Variants in MACF1 observed in about 807,000 individuals in gnomAD.
MACF1 encodes microtubule actin crosslinking factor 1.
A neutral mutation model predicts 854.8 loss-of-function variants in MACF1; 193 were observed. The observed-to-expected ratio is 0.23, with a 90% CI of 0.20 to 0.25. The LOEUF (loss-of-function observed/expected upper bound fraction) is 0.25, where lower values mean the gene tolerates loss of function less well. Ranked by LOEUF, MACF1 falls within the 10% of genes least tolerant of loss-of-function variation. The probability of loss-of-function intolerance (pLI) is 1.00; values close to 1 mark genes in which losing one functional copy is unlikely to be tolerated. For synonymous variants in MACF1, 3,185 were observed against 3,226.7 expected, an observed-to-expected ratio of 0.99 and a Z score of 0.44; for missense variants, 7,722 against 8,929.1, an observed-to-expected ratio of 0.86 and a Z score of 5.45.
At position 39,382,018 on chromosome 1, in the gene MACF1, A is replaced by G. The variant is rs756513852; in HGVS notation, c.13714A>G (p.Ser4572Gly). Reference sequence around the variant, plus strand: ...GCAAAGGCAGCTAGAGGAATCTGCAAGTCATCTGGCCTGCTTCCAGGCTGC... The same window carrying G: ...GCAAAGGCAGCTAGAGGAATCTGCAGGTCATCTGGCCTGCTTCCAGGCTGC... ...ARQRQLEESASHLACFQAAES... is the reference protein window; with the variant it reads ...ARQRQLEESAGHLACFQAAES... The change falls in exon 56 of 101, where the codon AGT (serine) becomes GGT (glycine). Residue 4572 changes from serine (S) to glycine (G), a missense_variant. This residue lies in a region of MACF1 where 2,807 missense variants were observed against 3,235.8 expected (regional missense o/e 0.87). Coordinates refer to ENST00000564288, the MANE Select transcript of MACF1 (RefSeq NM_001394062.1). 2.5e-6 allele frequency: 4 copies of G among 1,614,140 alleles called. No homozygotes were observed. Among genetic ancestry groups the G allele is most frequent in the African/African-American group, 1.3e-5 (1 of 75,034 alleles).
intron 6 of MACF1, chr1:39,269,414 T>C (rs1322967787): frequency 1.6e-6 from 2 of 1,289,746 alleles, no homozygotes; most frequent in Non-Finnish European, 2.0e-6. Context: ...CTTCCTGGAT[T>C]ATAGAATGTT....
At chr1:39,251,126 A>G (rs1432519478) in intron 3 of MACF1, among the ~76,000 whole-genome samples, 1 of 152,094 alleles carries the variant, frequency 6.6e-6, no homozygotes, top group Non-Finnish European at 1.5e-5. Context: ...AGCTCCTTCT[A>G]GGATTGGGGC....
rs571775929 is a variant in MACF1, at chr1:39,216,704, AT to A, written c.109+11575del. 2.6e-5 allele frequency among the ~76,000 whole-genome samples: 4 copies of A among 151,688 alleles called. 1 individual carries two copies. The South Asian group carries it at 8.3e-4, about 32-fold the overall frequency. ...TTTTTTTTTTTATCTTTCCTGTATCATTGAGATTTCTTCCCTGGAACCTAGA... is the reference window on the plus strand; with the variant it reads ...TTTTTTTTTTTATCTTTCCTGTATCATGAGATTTCTTCCCTGGAACCTAGA... On this transcript the variant is annotated intron_variant, in intron 1 of 100. Coordinates refer to ENST00000564288, the MANE Select transcript of MACF1 (RefSeq NM_001394062.1).
rs370537100 is a variant in MACF1, at chr1:39,422,720, C to A, written c.15979-10C>A. 8.1e-5 allele frequency: 130 copies of A among 1,612,732 alleles called. No individual in the cohort carries two copies. Among genetic ancestry groups the A allele is most frequent in the Non-Finnish European group, 1.0e-4 (118 of 1,178,954 alleles). On this transcript the variant is annotated splice_polypyrimidine_tract_variant and intron_variant, in intron 59 of 100. Transcript: ENST00000564288. ...CGTTCTCATAATGAACCTACATGTT[C>A]ATGATACAGGTCGCACAAAGAATTG...
intron 2 of MACF1, among the ~76,000 whole-genome samples, chr1:39,152,336 A>G (rs983840966): frequency 2.0e-5 from 3 of 152,174 alleles, no homozygotes; most frequent in Admixed American, 6.5e-5. Context: ...AGGTATGTGT[A>G]CTTGTAAATT....
intron 6 of MACF1, among the ~76,000 whole-genome samples, chr1:39,266,108 A>G (rs1645228493): frequency 1.3e-5 from 2 of 152,208 alleles, no homozygotes; most frequent in South Asian, 2.1e-4. Context: ...ATATGCAGAA[A>G]TTTTAAAAAA....
intron 2 of MACF1, among the ~76,000 whole-genome samples, chr1:39,182,002 T>C (rs1447565941): frequency 6.6e-6 from 1 of 151,766 alleles, no homozygotes; most frequent in East Asian, 1.9e-4. Context: ...AATACAAAAA[T>C]TAGCTGGATG....
intron 2 of MACF1, among the ~76,000 whole-genome samples, chr1:39,244,581 A>AT (rs35814123): frequency 0.1 from 14,331 of 139,006 alleles, 1,167 homozygotes; most frequent in African/African-American, 0.23. Context: ...GCACCCAGCC[A>AT]TTTTTTTTTT....
At chr1:39,390,286 T>C (rs1043656463) in intron 58 of MACF1, among the ~76,000 whole-genome samples, 11 of 152,216 alleles carry the variant, frequency 7.2e-5, no homozygotes, top group Non-Finnish European at 2.9e-5. Flanking sequence ...CTTGCCAGCG[T>C]TATTTATCTT....
rs147553188 is a variant in MACF1, at chr1:39,405,878, G to C, written c.15817-16496G>C. Among the ~76,000 whole-genome samples the C allele has an allele frequency of 7.4e-3, 1,121 of 150,498 alleles. 9 individuals are homozygous for C. The highest frequency in any genetic ancestry group is 0.026 in the African/African-American group (1,053 of 40,324). ...TTATACACAGCATGTGAAATGAACAGATGCTTTTTTTTTTTTGTAGCTATC... is the reference window on the plus strand; with the variant it reads ...TTATACACAGCATGTGAAATGAACACATGCTTTTTTTTTTTTGTAGCTATC... On this transcript the variant is annotated intron_variant, in intron 58 of 100. Transcript: ENST00000564288.
intron 43 of MACF1, 129 bp from the exon 44 acceptor site, chr1:39,352,878 A>T (rs1647235436): frequency 3.6e-6 from 2 of 559,784 alleles, no homozygotes; most frequent in Admixed American, 3.0e-5. Flanking sequence ...TTGTATGTGC[A>T]AAGACTGTTT....
intron 23 of MACF1, among the ~76,000 whole-genome samples, chr1:39,307,661 C>G (rs531472421): frequency 6.6e-6 from 1 of 152,116 alleles, no homozygotes; most frequent in African/African-American, 2.4e-5. Flanking sequence ...CAATCTCTGC[C>G]TCCTGGGTTC....
At chr1:39,462,101 G>A in intron 93 of MACF1, 64 bp downstream of exon 93, 1 of 1,528,480 alleles carries the variant, frequency 6.5e-7, no homozygotes, top group Non-Finnish European at 9.0e-7. Context: ...CCTGAATTTG[G>A]TTGGGTTCAG....
chr1:39,405,759 A>C (rs1024761906), intron 58 of MACF1, among the ~76,000 whole-genome samples: 1 of 152,244 alleles, frequency 6.6e-6, no homozygotes, highest in Non-Finnish European at 1.5e-5. Flanking sequence ...ACTCATTTGA[A>C]ATTTGGCTTC....
In MACF1 at chr1:39,336,334, G is replaced by T. The variant is rs758417979; in HGVS notation, c.9746G>T (p.Gly3249Val). Residue 3249 changes from glycine to valine, a missense_variant, in exon 37 of 101, where the codon GGT becomes GTT. Physicochemically the swap from Gly to Val is moderately radical, Grantham distance 109. Coordinates refer to ENST00000564288, the MANE Select transcript of MACF1 (RefSeq NM_001394062.1). ...GAAATGGCAAACCCTAATGTTGCAGGTCTAGAAGCAGGATCCATTGAGGAC... is the reference window on the plus strand; with the variant it reads ...GAAATGGCAAACCCTAATGTTGCAGTTCTAGAAGCAGGATCCATTGAGGAC... ...FLEMANPNVA[G>V]LEAGSIEDIV... 3 of 1,614,160 alleles carry T rather than the reference G, an allele frequency of 1.9e-6. No individual in the cohort carries two copies. Among genetic ancestry groups the T allele is most frequent in the Non-Finnish European group, 2.5e-6 (3 of 1,180,026 alleles).
rs1643907907 is a variant in MACF1 at position 39,168,754 on chromosome 1, G to T, written c.221-62428G>T. On this transcript the variant is annotated intron_variant, in intron 2 of 93. Coordinates refer to the MACF1 transcript ENST00000361689. ...AATATCTTCCATATAAAATTATGAG[G>T]ATTAAACAGAGTAGTATAAGTAAAT... 2.0e-5 allele frequency among the ~76,000 whole-genome samples: 3 copies of T among 152,226 alleles called. No individual in the cohort carries two copies. In the East Asian group the frequency reaches 5.8e-4, roughly 29 times the overall value.
intron 72 of MACF1, among the ~76,000 whole-genome samples, chr1:39,439,965 A>G (rs1199099428): frequency 6.6e-6 from 1 of 152,034 alleles, no homozygotes; most frequent in Non-Finnish European, 1.5e-5. Flanking sequence ...ATTATATTAC[A>G]TTTCTTAAAT....
At chr1:39,410,605 G>C (rs1398852950) in intron 58 of MACF1, 17 of 1,613,918 alleles carry the variant, frequency 1.1e-5, no homozygotes, top group Admixed American at 5.0e-5. Flanking sequence ...GTCAGCACCT[G>C]TGCCACCCAG....
At chr1:39,251,233 A>C (rs1645037174) in intron 3 of MACF1, among the ~76,000 whole-genome samples, 1 of 152,100 alleles carries the variant, frequency 6.6e-6, no homozygotes, top group Admixed American at 6.5e-5. Context: ...AATTGACAGA[A>C]GCTTTTATTA....
Sources: gnomAD v4.1 joint callset for allele counts (sites outside exome capture counted in the v4.1 genomes callset) on GRCh38, gnomAD v4.1.1 for gene constraint, gnomAD v4.1.1 regional missense constraint, MANE v1.5 for transcripts, NCBI Gene and HGNC (gene_info 2026-07-23, HGNC 2026-07-21) for gene names.